The following SMARCA4 variants were observed in gnomAD, a reference collection of about 807,000 sequenced individuals.
SMARCA4 encodes the protein SWI/SNF-related matrix-associated actin-dependent regulator of chromatin subfamily A member 4.
A neutral mutation model predicts 193.9 loss-of-function variants in SMARCA4; 31 were observed. The ratio of observed to expected loss-of-function variants is 0.16; its 90% CI spans 0.12 to 0.22. The LOEUF is 0.22. Ranked by LOEUF, SMARCA4 falls within the 10% of genes least tolerant of loss-of-function variation. SMARCA4 has a pLI of 1.00. For missense variants in SMARCA4, 1,148 were observed against 2,296.0 expected (o/e 0.50, Z 10.22); for synonymous variants, 942 against 933.1 (o/e 1.01, Z -0.17).
intron 16 of SMARCA4, among the ~76,000 whole-genome samples, chr19:11,014,283 C>T (rs907535286): frequency 1.3e-5 from 2 of 152,330 alleles, no homozygotes; most frequent in South Asian, 2.1e-4. Context: ...CCCCATGGGT[C>T]ACACACCCAT....
rs1311374924 is a variant in SMARCA4, at chr19:10,961,102, G to T, written c.-104G>T. The T allele has an allele frequency of 6.7e-6, 1 of 148,940 alleles. No individual in the cohort carries two copies. Among genetic ancestry groups the T allele is most frequent in the East Asian group, 2.0e-4 (1 of 5,098 alleles). 9.2% of individuals were successfully genotyped at this position (148,940 alleles called of 1,614,324 possible). ...TTTGTTTCGTGAAGAGAAGCGAGAC[G>T]CCCATTCTGCCCCCGGCCCCGCGCG... On this transcript the variant is annotated 5_prime_UTR_variant, in exon 1 of 35. Coordinates refer to ENST00000344626, the MANE Select transcript of SMARCA4 (RefSeq NM_003072.5).
intron 30 of SMARCA4, among the ~76,000 whole-genome samples, chr19:11,057,893 G>A (rs1383307375): frequency 1.3e-5 from 2 of 151,100 alleles, no homozygotes; most frequent in Non-Finnish European, 3.0e-5. Context: ...ACCTGAGGTC[G>A]GGAGTTTGAG....
intron 21 of SMARCA4, among the ~76,000 whole-genome samples, chr19:11,025,049 G>T: frequency 8.6e-6 from 1 of 116,144 alleles, no homozygotes; most frequent in East Asian, 3.0e-4. Flanking sequence ...TGGCTCACCC[G>T]GCTGAGGCCC....
chr19:11,004,932 C>T (rs1448913811), intron 13 of SMARCA4, among the ~76,000 whole-genome samples: 1 of 152,004 alleles, frequency 6.6e-6, no homozygotes, highest in East Asian at 1.9e-4. Context: ...CTCTGCCTCC[C>T]GGGTTCAAGT....
chr19:10,987,960 TGTGTCCCCC>T lies in SMARCA4; in HGVS notation c.1118+37_1118+45del, dbSNP rs1405056598. ...GGCCCAGTTGCCAAGGTCACTGCCC[TGTGTCCCCC>T]ATGTCCCCCTGGGGAAGCCACTCAA... On this transcript the variant is annotated intron_variant, in intron 6 of 34. Transcript: ENST00000344626. This position sits in a 1 kb window ranked among gnomAD's most constrained non-coding sequence, Gnocchi z 5.3. 8.7e-6 allele frequency: 14 copies of T among 1,608,574 alleles called. No homozygotes were observed. Among genetic ancestry groups the T allele is most frequent in the African/African-American group, 2.7e-5 (2 of 74,956 alleles).
chr19:10,987,973 TC>T lies in SMARCA4; in HGVS notation c.1118+54del. 1 of 1,593,724 alleles carries T rather than the reference TC, an allele frequency of 6.3e-7. No individual in the cohort carries two copies. Among genetic ancestry groups the T allele is most frequent in the Non-Finnish European group, 8.6e-7 (1 of 1,166,594 alleles). On this transcript the variant is annotated intron_variant, in intron 6 of 34. Transcript: ENST00000344626. This position sits in a 1 kb window ranked among gnomAD's most constrained non-coding sequence, Gnocchi z 5.3. ...AGGTCACTGCCCTGTGTCCCCCATG[TC>T]CCCCTGGGGAAGCCACTCAACTTTC... is the stretch of plus-strand genomic sequence containing the variant.
At chr19:11,024,231 C>G in intron 20 of SMARCA4, 100 bp from the exon 21 acceptor site, 5 of 806,064 alleles carry the variant, frequency 6.2e-6, no homozygotes, top group Non-Finnish European at 1.1e-5. Context: ...CTGGTCAGAG[C>G]TCATATGACA....
intron 16 of SMARCA4, among the ~76,000 whole-genome samples, chr19:11,016,685 A>G (rs2089394523): frequency 6.6e-6 from 1 of 152,020 alleles, no homozygotes; most frequent in Non-Finnish European, 1.5e-5. Context: ...GGACCCACGG[A>G]TATTTATTTA....
Position 10,984,507 on chromosome 19 carries a change from C to G in SMARCA4, c.222+134C>G. 6.8e-7 allele frequency: 1 copy of G among 1,475,514 alleles called. No individual in the cohort carries two copies. Among genetic ancestry groups the G allele is most frequent in the East Asian group, 2.5e-5 (1 of 40,566 alleles). 91.4% of individuals were successfully genotyped at this position (1,475,514 alleles called of 1,614,324 possible). On this transcript the variant is annotated intron_variant, in intron 2 of 34. Transcript: ENST00000344626. This position sits in a 1 kb window ranked among gnomAD's most constrained non-coding sequence, Gnocchi z 4.3. ...GGAGGTGTCCTGCCTTGGCTCAGCC[C>G]CCTACCCCAGGGCCCACGGCCATGA...
intron 16 of SMARCA4, among the ~76,000 whole-genome samples, chr19:11,017,100 A>G (rs991735409): frequency 6.6e-6 from 1 of 152,090 alleles, no homozygotes; most frequent in Non-Finnish European, 1.5e-5. Context: ...CTGCCTCGGC[A>G]TCTGTTTCTG....
intron 1 of SMARCA4, among the ~76,000 whole-genome samples, chr19:10,966,982 T>C (rs2084274669): frequency 6.6e-6 from 1 of 152,086 alleles, no homozygotes; most frequent in Non-Finnish European, 1.5e-5. Flanking sequence ...GAATGAAGCC[T>C]GAGGCTGAAT....
chr19:11,039,365 G>C, intron 29 of SMARCA4: 1 of 666,340 alleles, frequency 1.5e-6, no homozygotes, highest in South Asian at 2.0e-5. Context: ...GAAAAAAAGG[G>C]AAATGACCTA....
At chr19:11,055,315 G>A (rs1344099877) in intron 30 of SMARCA4, among the ~76,000 whole-genome samples, 3 of 152,030 alleles carry the variant, frequency 2.0e-5, no homozygotes, top group African/African-American at 7.2e-5. Flanking sequence ...TCAGCCTCCC[G>A]AGTAGCTGGG....
chr19:11,028,619 C>T (rs1224862992), intron 24 of SMARCA4, among the ~76,000 whole-genome samples: 1 of 152,234 alleles, frequency 6.6e-6, no homozygotes, highest in African/African-American at 2.4e-5. Context: ...TAGAGAGGCT[C>T]TCAGCCCAAC....
chr19:11,036,108 C>T lies in SMARCA4; in HGVS notation c.4170+976C>T, dbSNP rs568747044. 1.4e-3 allele frequency among the ~76,000 whole-genome samples: 219 copies of T among 152,302 alleles called. 3 individuals carry two copies. The highest frequency in any genetic ancestry group is 5.1e-3 in the African/African-American group (211 of 41,566). On this transcript the variant is annotated intron_variant, in intron 29 of 34. Transcript: ENST00000344626. ...GCCTGCCAAGCTGTGCACCAGAGGG[C>T]GCTGTTGAAACACACCAGGAGCCCA...
chr19:11,055,495 G>T (rs59614858), intron 30 of SMARCA4, among the ~76,000 whole-genome samples: 13,996 of 148,920 alleles, frequency 0.094, 1,207 homozygotes, highest in African/African-American at 0.24. Context: ...GCCGCACCTT[G>T]TTTTTTTTTT....
At position 11,039,834 on chromosome 19, in the gene SMARCA4, G is replaced by A. The variant is rs150335455; in HGVS notation, c.4171-1473G>A. 3,934 of 225,366 alleles carry A rather than the reference G, an allele frequency of 0.017. 61 individuals carry two copies. Among genetic ancestry groups the A allele is most frequent in the Admixed American group, 0.024 (415 of 17,454 alleles). The allele number at this position is 225,366 out of a possible 1,614,324, so 14.0% of individuals were successfully genotyped here. ...GCGGTGGCTCACGCCTGTAATCCCA[G>A]CACTTTGAGAGGCCGACATGGGTGG... On this transcript the variant is annotated intron_variant, in intron 29 of 34. Coordinates refer to ENST00000344626, the MANE Select transcript of SMARCA4 (RefSeq NM_003072.5).
chr19:11,058,481 G>T lies in SMARCA4; in HGVS notation c.4533+118G>T, dbSNP rs554938257. 2.9e-3 allele frequency: 2,283 copies of T among 783,524 alleles called. 57 individuals are homozygous for T. The South Asian group carries it at 0.032, about 11-fold the overall frequency. The allele number at this position is 783,524 out of a possible 1,614,324, so 48.5% of individuals were successfully genotyped here. The stretch of plus-strand genomic sequence containing the variant: ...AATGACCAGAAACCACCTAGGCGGT[G>T]CCTTGGGCTACCTGGTTAGGGACCT... On this transcript the variant is annotated intron_variant, in intron 31 of 34. Coordinates refer to ENST00000344626, the MANE Select transcript of SMARCA4 (RefSeq NM_003072.5). This position sits in a 1 kb window ranked among gnomAD's most constrained non-coding sequence, Gnocchi z 5.8.
chr19:10,999,295 C>A (rs2087396714), intron 11 of SMARCA4, among the ~76,000 whole-genome samples: 1 of 152,050 alleles, frequency 6.6e-6, no homozygotes, highest in African/African-American at 2.4e-5. Context: ...GCTTCTAGGC[C>A]CTCTGAGCAG....
Sources: gnomAD v4.1 joint callset for allele counts (sites outside exome capture counted in the v4.1 genomes callset) on GRCh38, gnomAD v4.1.1 for gene constraint, Gnocchi (gnomAD v3.1) non-coding constraint, MANE v1.5 for transcripts, NCBI Gene and HGNC (gene_info 2026-07-23, HGNC 2026-07-21) for gene names.